Variants in KIAA2012 observed in about 807,000 individuals in gnomAD.
KIAA2012 encodes the protein KIAA2012.
A neutral mutation model predicts 150.6 loss-of-function variants in KIAA2012; 125 were observed. The observed-to-expected ratio is 0.83, with a 90% CI of 0.72 to 0.96. The LOEUF (loss-of-function observed/expected upper bound fraction) is 0.96. Among genes scored for constraint, KIAA2012 ranks in the 40% least tolerant of loss-of-function variants. The pLI is 0.00. For missense variants in KIAA2012, 1,219 were observed against 1,354.9 expected, an observed-to-expected ratio of 0.90 and a Z score of 1.57; for synonymous variants, 462 against 504.7, an observed-to-expected ratio of 0.92 and a Z score of 1.13.
rs1383768633 is a variant in KIAA2012, at chr2:202,109,622, C to G, written c.1484C>G (p.Ala495Gly). Residue 495 changes from alanine (A) to glycine (G), a missense_variant, in exon 10 of 24, where the codon GCC becomes GGC. Physicochemically the swap from Ala to Gly is moderately conservative, Grantham distance 60. Transcript: ENST00000498697. ...RDTLSPQDDD[A>G]PPHDVAPPLD... is the part of the protein sequence containing the mutation. The stretch of plus-strand genomic sequence containing the variant: ...CCTTTTGTTTTTAAAGATGATGATG[C>G]CCCACCTCACGATGTGGCCCCACCA... 1 of 1,531,394 alleles carries G rather than the reference C, an allele frequency of 6.5e-7. No individual in the cohort carries two copies. The highest frequency in any genetic ancestry group is 1.2e-5 in the South Asian group (1 of 80,750). The allele number at this position is 1,531,394 out of a possible 1,614,324, so 94.9% of individuals were successfully genotyped here. A position where few individuals can be genotyped will look rare whatever the true frequency, so the allele number is the denominator to read the frequency against.
intron 21 of KIAA2012, 127 bp downstream of exon 21, chr2:202,194,489 C>A: frequency 2.5e-6 from 2 of 801,878 alleles, no homozygotes; most frequent in Non-Finnish European, 1.7e-6. Context: ...ATAATATAAA[C>A]TATTTTTCAA....
intron 21 of KIAA2012, among the ~76,000 whole-genome samples, chr2:202,196,086 G>T (rs899432868): frequency 4.0e-5 from 6 of 151,580 alleles, no homozygotes; most frequent in Non-Finnish European, 7.4e-5. Flanking sequence ...TTGAGGAAGA[G>T]ATAGGAACTT....
rs571767100 is a variant in KIAA2012, at chr2:202,106,131, C to A, written c.1474+221C>A. On this transcript the variant is annotated intron_variant, in intron 9 of 23. Transcript: ENST00000498697. ...CTCACCAGTTACTTACTCCCTAACT[C>A]ATCCCACTGCTAATATTTTAACAGT... is the stretch of plus-strand genomic sequence containing the variant. 3.5e-5 allele frequency: 44 copies of A among 1,264,614 alleles called. 1 individual carries two copies. In the South Asian group the frequency reaches 6.7e-4, roughly 19 times the overall value. The allele number at this position is 1,264,614 out of a possible 1,614,324, so 78.3% of individuals were successfully genotyped here. A position where few individuals can be genotyped will look rare whatever the true frequency, so the allele number is the denominator to read the frequency against.
intron 14 of KIAA2012, among the ~76,000 whole-genome samples, chr2:202,163,743 C>G (rs1169894319): frequency 7.1e-6 from 1 of 141,408 alleles, no homozygotes; most frequent in Non-Finnish European, 1.5e-5. Context: ...ATCTAGTCTT[C>G]TAACTTAGCC....
At chr2:202,193,268 G>A in intron 19 of KIAA2012, 33 bp from the exon 20 acceptor site, 3 of 1,542,916 alleles carry the variant, frequency 1.9e-6, no homozygotes, top group South Asian at 1.2e-5. Flanking sequence ...AGACCCATCT[G>A]TTTATTGCAC....
At chr2:202,163,131 T>G (rs1691692108) in intron 14 of KIAA2012, among the ~76,000 whole-genome samples, 1 of 137,986 alleles carries the variant, frequency 7.2e-6, no homozygotes, top group African/African-American at 2.7e-5. Flanking sequence ...CAAGATGAAG[T>G]CTTGCTCTGT....
rs1295251576 is a variant in KIAA2012 at position 202,140,072 on chromosome 2, A to AC, written c.1908+1565dup. 4.6e-5 allele frequency among the ~76,000 whole-genome samples: 7 copies of AC among 152,278 alleles called. No homozygotes were observed. The South Asian group carries it at 1.5e-3, about 32-fold the overall frequency. On this transcript the variant is annotated intron_variant, in intron 13 of 23. Transcript: ENST00000498697. ...GTGAAACCCCGTCTCTACTAAAAAT[A>AC]CAAAAATTAGCTGGGCATGGTGGCG...
rs1186721941 is a variant in KIAA2012, at chr2:202,099,813, C to T, written c.1012+17C>T. 8 of 1,539,784 alleles carry T rather than the reference C, an allele frequency of 5.2e-6. No individual in the cohort carries two copies. In the African/African-American group the frequency reaches 9.6e-5, roughly 19 times the overall value. On this transcript the variant is annotated intron_variant, in intron 6 of 23. Transcript: ENST00000498697. The stretch of plus-strand genomic sequence containing the variant: ...ATCTCAGCGGTAAGAACTCAAATGT[C>T]TTGCTCATTGATCTGGGTAAAGCCA...
chr2:202,131,711 T>G (rs185747806), intron 12 of KIAA2012, among the ~76,000 whole-genome samples: 1 of 152,104 alleles, frequency 6.6e-6, no homozygotes, highest in East Asian at 1.9e-4. Flanking sequence ...AGCCGAGTGG[T>G]AAAGAAAGGA....
rs916117151 is a variant in KIAA2012, at chr2:202,122,294, T to G, written c.1763-2920T>G. On this transcript the variant is annotated intron_variant, in intron 11 of 23. Coordinates refer to ENST00000498697, the MANE Select transcript of KIAA2012 (RefSeq NM_001277372.4). ...GCAGAGGGCTCAGGCTACTGCAAAA[T>G]CAGCCAGACAACACTGGGTGAGGGC... is the stretch of plus-strand genomic sequence containing the variant. 2.0e-5 allele frequency among the ~76,000 whole-genome samples: 3 copies of G among 152,050 alleles called. No individual in the cohort carries two copies. In the South Asian group the frequency reaches 6.2e-4, roughly 31 times the overall value.
At position 202,188,245 on chromosome 2, in the gene KIAA2012, G is replaced by A. The variant is rs1407535686; in HGVS notation, c.2470G>A (p.Gly824Arg). 13 of 1,549,932 alleles carry A rather than the reference G, an allele frequency of 8.4e-6. No homozygotes were observed. Among genetic ancestry groups the A allele is most frequent in the South Asian group, 7.1e-5 (6 of 84,026 alleles). The change falls in exon 18 of 24, where the codon GGG becomes AGG. Residue 824 changes from glycine to arginine, a missense_variant. By Grantham distance (125) the Gly-to-Arg change is moderately radical (BLOSUM62 -2). Transcript: ENST00000498697. The stretch of plus-strand genomic sequence containing the variant: ...AAGCGAGAGAGAAGGAAAGGTCTAC[G>A]GGCAAGCAGAGGCTGCCATTGGTAA... ...PKSEREGKVYGQAEAAIGKSK... is the reference protein window; with the variant it reads ...PKSEREGKVYRQAEAAIGKSK...
chr2:202,086,441 A>C (rs1689574165), intron 2 of KIAA2012, among the ~76,000 whole-genome samples: 1 of 152,200 alleles, frequency 6.6e-6, no homozygotes, highest in East Asian at 1.9e-4. Flanking sequence ...GAATATAAAA[A>C]GTACCCAACA....
At chr2:202,188,780 G>C (rs1384330558) in intron 18 of KIAA2012, among the ~76,000 whole-genome samples, 1 of 152,190 alleles carries the variant, frequency 6.6e-6, no homozygotes, top group Non-Finnish European at 1.5e-5. Context: ...GTATTGGGTA[G>C]TGAGAGCATT....
At position 202,188,172 on chromosome 2, in the gene KIAA2012, G is replaced by A. The variant is rs1433650520; in HGVS notation, c.2397G>A (p.Glu799=). ...TTTAGGAGAGGGATTTGATTAACGA[G>A]GCCAAGAGAAAGGAAAAACCCAAGA... ...NISHERDLIN[E]AKRKEKPKKD... The change falls in exon 18 of 24, where the codon GAG becomes GAA. Residue 799 remains glutamate (E), a synonymous_variant. Transcript: ENST00000498697. 2 of 1,550,550 alleles carry A rather than the reference G, an allele frequency of 1.3e-6. No individual in the cohort carries two copies. Among genetic ancestry groups the A allele is most frequent in the Non-Finnish European group, 8.7e-7 (1 of 1,146,972 alleles).
intron 2 of KIAA2012, among the ~76,000 whole-genome samples, chr2:202,089,587 T>A (rs1232397093): frequency 6.6e-6 from 1 of 152,248 alleles, no homozygotes; most frequent in Non-Finnish European, 1.5e-5. Context: ...GGAGACTTCC[T>A]TAGCCAAAGG....
At chr2:202,108,401 C>T (rs200272475) in intron 9 of KIAA2012, among the ~76,000 whole-genome samples, 1 of 152,176 alleles carries the variant, frequency 6.6e-6, no homozygotes, top group South Asian at 2.1e-4. Flanking sequence ...TTCATAGTCA[C>T]ATTTCTCTAT....
At chr2:202,166,989 G>A (rs1044494987) in intron 15 of KIAA2012, among the ~76,000 whole-genome samples, 5 of 152,002 alleles carry the variant, frequency 3.3e-5, no homozygotes, top group South Asian at 2.1e-4. Flanking sequence ...TGGCTAACAC[G>A]GTGAAACCCT....
chr2:202,159,061 C>A (rs750063684), intron 14 of KIAA2012, among the ~76,000 whole-genome samples: 9 of 152,304 alleles, frequency 5.9e-5, no homozygotes, highest in Non-Finnish European at 1.3e-4. Context: ...AGAGCTGCCC[C>A]ACCTGTTTTG....
At position 202,073,675 on chromosome 2, in the gene KIAA2012, G is replaced by A. The variant is rs1574996128; in HGVS notation, c.48G>A (p.Gln16=). 1.2e-5 allele frequency: 18 copies of A among 1,550,424 alleles called. No homozygotes were observed. In the East Asian group the frequency reaches 1.2e-4, roughly 11 times the overall value. Residue 16 remains glutamine, a synonymous_variant, in exon 1 of 24, where the codon CAG becomes CAA. Transcript: ENST00000498697. ...GCCGGGGCCACGGGAAGCTGGGCCAGGACAAACAGAAGTTAGAAGTCTACT... is the reference window on the plus strand; with the variant it reads ...GCCGGGGCCACGGGAAGCTGGGCCAAGACAAACAGAAGTTAGAAGTCTACT... ...LLSRGHGKLG[Q]DKQKLEVYFE...
Sources: allele counts gnomAD v4.1 joint callset (sites outside exome capture counted in the v4.1 genomes callset), GRCh38; gene constraint gnomAD v4.1.1; transcripts MANE v1.5; gene names NCBI Gene and HGNC (gene_info 2026-07-23, HGNC 2026-07-21).